The following ADAM9 variants were observed in gnomAD, a reference collection of about 807,000 sequenced individuals.
ADAM9 encodes ADAM metallopeptidase domain 9.
A neutral mutation model predicts 108.1 loss-of-function variants in ADAM9; 54 were observed. That is an observed-to-expected ratio of 0.50 (90% CI 0.40 to 0.63). The LOEUF (loss-of-function observed/expected upper bound fraction) is 0.63. Among genes scored for constraint, ADAM9 ranks in the 20% least tolerant of loss-of-function variants. The pLI, the probability that ADAM9 is intolerant of heterozygous loss-of-function variation, is 0.00. For synonymous variants in ADAM9, 316 were observed against 336.0 expected (o/e 0.94, Z 0.65); for missense variants, 830 against 997.7 (o/e 0.83, Z 2.26).
At chr8:39,004,239 G>T (rs1301591975) in intron 1 of ADAM9, among the ~76,000 whole-genome samples, 2 of 151,206 alleles carry the variant, frequency 1.3e-5, no homozygotes, top group Admixed American at 1.3e-4. Flanking sequence ...TTTTTGGCAG[G>T]GTCTCCCTCT....
intron 16 of ADAM9, among the ~76,000 whole-genome samples, chr8:39,079,478 T>C (rs1838951998): frequency 6.6e-6 from 1 of 152,218 alleles, no homozygotes; most frequent in African/African-American, 2.4e-5. Context: ...TCTCTTTTTC[T>C]ATTAGCTTGC....
intron 15 of ADAM9, among the ~76,000 whole-genome samples, chr8:39,073,691 T>G (rs890507105): frequency 6.6e-6 from 1 of 152,174 alleles, no homozygotes; most frequent in East Asian, 1.9e-4. Context: ...AGTGGATTAA[T>G]GCAGACTTGG....
At chr8:39,007,302 A>T (rs1249478429) in intron 1 of ADAM9, among the ~76,000 whole-genome samples, 1 of 152,180 alleles carries the variant, frequency 6.6e-6, no homozygotes, top group African/African-American at 2.4e-5. Flanking sequence ...TTCATGAGGG[A>T]TCCACTTCAA....
chr8:39,091,274 T>G lies in ADAM9; in HGVS notation c.2226T>G (p.Asn742Lys), dbSNP rs1839344987. 9 of 1,614,090 alleles carry G rather than the reference T, an allele frequency of 5.6e-6. No individual in the cohort carries two copies. Among genetic ancestry groups the G allele is most frequent in the Non-Finnish European group, 7.6e-6 (9 of 1,179,994 alleles). Residue 742 changes from asparagine to lysine, a missense_variant, in exon 20 of 22, where the codon AAT becomes AAG. Physicochemically the swap from Asn to Lys is moderately conservative, Grantham distance 94. Coordinates refer to ENST00000487273, the MANE Select transcript of ADAM9 (RefSeq NM_003816.3). ...TATCTTTCAGGTCAGATGGCAAAAA[T>G]CAAGCAAACCCTTCTAGACAGCCGG... is the stretch of plus-strand genomic sequence containing the variant. ...RSQTYESDGK[N>K]QANPSRQPGS...
At chr8:39,063,833 A>T (rs550415099) in intron 14 of ADAM9, among the ~76,000 whole-genome samples, 2 of 152,226 alleles carry the variant, frequency 1.3e-5, no homozygotes, top group East Asian at 1.9e-4. Context: ...TTATTGATCA[A>T]TAACCTCAAT....
At chr8:39,084,187 G>A (rs1409726868) in intron 18 of ADAM9, among the ~76,000 whole-genome samples, 3 of 152,026 alleles carry the variant, frequency 2.0e-5, no homozygotes, top group Non-Finnish European at 4.4e-5. Flanking sequence ...TTGTCTTAAT[G>A]AGTTTTGAAA....
chr8:39,091,308 C>G lies in ADAM9; in HGVS notation c.2260C>G (p.Pro754Ala), dbSNP rs1839346791. Reference protein sequence around the residue: ...ANPSRQPGSVPRHVSPVTPPR... With the variant: ...ANPSRQPGSVARHVSPVTPPR... ...CCCTTCTAGACAGCCGGGGAGTGTT[C>G]CTCGACATGTTTCTCCAGTGACACC... is the stretch of plus-strand genomic sequence containing the variant. The change falls in exon 20 of 22, where the codon CCT (proline) becomes GCT (alanine). Residue 754 changes from proline (P) to alanine (A), a missense_variant. Transcript: ENST00000487273. 1 of 1,613,926 alleles carries G rather than the reference C, an allele frequency of 6.2e-7. No individual in the cohort carries two copies. Among genetic ancestry groups the G allele is most frequent in the African/African-American group, 1.3e-5 (1 of 74,876 alleles).
At chr8:39,076,430 C>T (rs1014051685) in intron 15 of ADAM9, among the ~76,000 whole-genome samples, 1 of 152,074 alleles carries the variant, frequency 6.6e-6, no homozygotes, top group Non-Finnish European at 1.5e-5. Flanking sequence ...GAAAGAAGAA[C>T]GTGATGGGAG....
At chr8:39,100,003 C>T (rs1379645174) in intron 20 of ADAM9, among the ~76,000 whole-genome samples, 1 of 150,982 alleles carries the variant, frequency 6.6e-6, no homozygotes, top group African/African-American at 2.4e-5. Context: ...CCTTAGCCTC[C>T]TGAGTAGCTG....
chr8:39,101,036 A>G (rs1839679484), intron 20 of ADAM9, among the ~76,000 whole-genome samples: 3 of 152,236 alleles, frequency 2.0e-5, no homozygotes, highest in Non-Finnish European at 4.4e-5. Context: ...GATACTGTAT[A>G]GGTTTGGCAA....
intron 15 of ADAM9, among the ~76,000 whole-genome samples, chr8:39,073,115 T>A (rs1838749295): frequency 6.6e-6 from 1 of 152,184 alleles, no homozygotes; most frequent in Non-Finnish European, 1.5e-5. Context: ...GGGTAAATGT[T>A]CCATGTATAA....
chr8:39,060,535 T>C (rs965631729), intron 14 of ADAM9, among the ~76,000 whole-genome samples: 5 of 152,228 alleles, frequency 3.3e-5, no homozygotes, highest in African/African-American at 1.2e-4. Context: ...AGTGGCCAGA[T>C]GCAACTTCTT....
chr8:39,002,312 C>G (rs200232433), intron 1 of ADAM9, among the ~76,000 whole-genome samples: 2 of 71,482 alleles, frequency 2.8e-5, no homozygotes, highest in African/African-American at 5.6e-5. Context: ...AGGTAGAATT[C>G]TTTTTTTTTT....
At chr8:39,022,093 TGTGTGAGA>T (rs986956785) in intron 8 of ADAM9, among the ~76,000 whole-genome samples, 5 of 150,386 alleles carry the variant, frequency 3.3e-5, no homozygotes, top group African/African-American at 7.5e-5. Flanking sequence ...TGTGTGTGTG[TGTGTGAGA>T]GAGAGAGAGA....
rs142223362 is a variant in ADAM9 at position 39,074,555 on chromosome 8, A to G, written c.1698-2673A>G. Among the ~76,000 whole-genome samples, 15 of 152,098 alleles carry G rather than the reference A, an allele frequency of 9.9e-5. No homozygotes were observed. In the East Asian group the frequency reaches 2.5e-3, roughly 25 times the overall value. On this transcript the variant is annotated intron_variant, in intron 15 of 21. Transcript: ENST00000487273. ...GTCTTCAACAAATAAGGCCATTCACATGATCACATCACACCTAACAAAATG... is the reference window on the plus strand; with the variant it reads ...GTCTTCAACAAATAAGGCCATTCACGTGATCACATCACACCTAACAAAATG...
At chr8:38,997,465 C>T (rs1470984094) in intron 1 of ADAM9, among the ~76,000 whole-genome samples, 1 of 152,198 alleles carries the variant, frequency 6.6e-6, no homozygotes, top group Non-Finnish European at 1.5e-5. Context: ...CCCCCAGACG[C>T]CCCGAAACCC....
intron 5 of ADAM9, among the ~76,000 whole-genome samples, chr8:39,016,658 A>G (rs1836539340): frequency 6.6e-6 from 1 of 152,232 alleles, no homozygotes; most frequent in Non-Finnish European, 1.5e-5. Context: ...TCATGGCAAC[A>G]TGGCACTGTG....
intron 2 of ADAM9, among the ~76,000 whole-genome samples, chr8:39,008,517 T>C (rs1000159195): frequency 3.9e-5 from 6 of 152,118 alleles, no homozygotes; most frequent in Admixed American, 3.9e-4. Context: ...ACTCGAAACA[T>C]AACAGAATAG....
chr8:38,999,008 C>G (rs1011404369), intron 1 of ADAM9, among the ~76,000 whole-genome samples: 1 of 151,968 alleles, frequency 6.6e-6, no homozygotes, highest in South Asian at 2.1e-4. Flanking sequence ...ACGGGCAACA[C>G]GGTGGAGGAT....
Sources: gnomAD v4.1 joint callset for allele counts (sites outside exome capture counted in the v4.1 genomes callset) on GRCh38, gnomAD v4.1.1 for gene constraint, MANE v1.5 for transcripts, NCBI Gene and HGNC (gene_info 2026-07-23, HGNC 2026-07-21) for gene names.